Variants in RBM12 observed in about 807,000 individuals in gnomAD.
RBM12 encodes RNA binding motif protein 12.
In RBM12, 24 loss-of-function variants were observed where a neutral mutation model predicts 37.2. The ratio of observed to expected loss-of-function variants is 0.65; its 90% CI spans 0.47 to 0.91. RBM12 has a LOEUF of 0.91. RBM12 is among the 40% of genes least tolerant of loss of function. The probability of loss-of-function intolerance (pLI) is 0.00; values close to 1 mark genes in which losing one functional copy is unlikely to be tolerated. For synonymous variants in RBM12, 420 were observed against 425.2 expected, an observed-to-expected ratio of 0.99 and a Z score of 0.15; for missense variants, 1,061 against 1,183.2, an observed-to-expected ratio of 0.90 and a Z score of 1.52.
chr20:35,658,385 C>T (rs1394391541), intron 2 of RBM12, among the ~76,000 whole-genome samples: 1 of 152,096 alleles, frequency 6.6e-6, no homozygotes, highest in Non-Finnish European at 1.5e-5. Flanking sequence ...ATAAATAGAT[C>T]CATATAAATG....
In RBM12 at chr20:35,651,541, T is replaced by C. The variant is rs1476098625; in HGVS notation, c.*983A>G. 6.6e-6 allele frequency: 1 copy of C among 152,208 alleles called. No homozygotes were observed. Among genetic ancestry groups the C allele is most frequent in the Non-Finnish European group, 1.5e-5 (1 of 68,034 alleles). 9.4% of individuals were successfully genotyped at this position (152,208 alleles called of 1,614,324 possible). ...AACTTCAGTTTTAAAAACCTAGATA[T>C]AACACTTTCTTATGAATGGGCCCCT... On this transcript the variant is annotated 3_prime_UTR_variant, in exon 3 of 3. Transcript: ENST00000374114.
At chr20:35,660,151 A>C (rs2034150175) in intron 1 of RBM12, among the ~76,000 whole-genome samples, 1 of 152,238 alleles carries the variant, frequency 6.6e-6, no homozygotes, top group African/African-American at 2.4e-5. Context: ...CAACACAATC[A>C]AAAGTCTAGA....
In RBM12 at chr20:35,653,723, T is replaced by C; in HGVS notation, c.1600A>G (p.Asn534Asp). 1 of 1,614,216 alleles carries C rather than the reference T, an allele frequency of 6.2e-7. No individual in the cohort carries two copies. Among genetic ancestry groups the C allele is most frequent in the Non-Finnish European group, 8.5e-7 (1 of 1,180,046 alleles). ...GCAGAGTTGACATCCCCCTCTGGAT[T>C]TAGTATCATTTCCCTCTGGTCATAG... The part of the protein sequence containing the change: ...FSYDQREMIL[N>D]PEGDVNSAKV... Residue 534 changes from asparagine (N) to aspartate (D), a missense_variant, in exon 3 of 3, where the codon AAT becomes GAT. Transcript: ENST00000374114.
At chr20:35,661,767 AC>A (rs1348557903) in intron 1 of RBM12, among the ~76,000 whole-genome samples, 1 of 152,258 alleles carries the variant, frequency 6.6e-6, no homozygotes, top group African/African-American at 2.4e-5. Context: ...AAGTCAAGGC[AC>A]AAACTAAAAC....
In RBM12 at chr20:35,652,262, G is replaced by C; in HGVS notation, c.*262C>G. The C allele has an allele frequency of 2.9e-6, 1 of 344,774 alleles. No homozygotes were observed. The allele number at this position is 344,774 out of a possible 1,614,324, so 21.4% of individuals were successfully genotyped here. On this transcript the variant is annotated 3_prime_UTR_variant, in exon 3 of 3. Coordinates refer to ENST00000374114, the MANE Select transcript of RBM12 (RefSeq NM_006047.6). Reference sequence around the variant, plus strand: ...CTTGATAAGCTTTATGTGGTCATTTGAGTTTTACAAATGGTTTCTCTAATG... The same window carrying C: ...CTTGATAAGCTTTATGTGGTCATTTCAGTTTTACAAATGGTTTCTCTAATG...
In RBM12 at chr20:35,654,967, A is replaced by T; in HGVS notation, c.356T>A (p.Leu119Ter). Residue 119 changes from leucine to a stop codon, truncating the protein, a stop_gained, in exon 3 of 3, where the codon TTG becomes TAG. Transcript: ENST00000374114. LOFTEE classifies it high-confidence loss of function. The part of the protein sequence containing the change: ...PSSGMSSRVN[L>*]PTTVSNFNNP... ...ATTAAAGTTGGATACTGTTGTGGGC[A>T]AGTTTACCCTGCTACTCATTCCTGA... 6.2e-7 allele frequency: 1 copy of T among 1,614,148 alleles called. No homozygotes were observed. Among genetic ancestry groups the T allele is most frequent in the Non-Finnish European group, 8.5e-7 (1 of 1,180,034 alleles).
chr20:35,661,106 G>T (rs190818352), intron 1 of RBM12, among the ~76,000 whole-genome samples: 3 of 152,246 alleles, frequency 2.0e-5, no homozygotes, highest in African/African-American at 7.2e-5. Context: ...TCAGCAAAGA[G>T]GAATACCCAC....
chr20:35,653,792 G>A lies in RBM12; in HGVS notation c.1531C>T (p.Leu511=), dbSNP rs1287163070. The A allele has an allele frequency of 3.7e-6, 6 of 1,613,766 alleles. No homozygotes were observed. Among genetic ancestry groups the A allele is most frequent in the Non-Finnish European group, 4.2e-6 (5 of 1,180,012 alleles). The part of the protein sequence containing the change: ...QVHPITKKGM[L]EKIDMIRKRL... ...TTTCGAATCATATCTATCTTTTCTA[G>A]CATACCTTTCTTAGTAATTGGATGA... The change falls in exon 3 of 3, where the codon CTA becomes TTA. Residue 511 remains leucine, a synonymous_variant. Coordinates refer to ENST00000374114, the MANE Select transcript of RBM12 (RefSeq NM_006047.6).
Position 35,652,359 on chromosome 20 carries a change from AGT to A in RBM12, c.*163_*164del. The A allele has an allele frequency of 1.4e-6, 1 of 727,814 alleles. No homozygotes were observed. Among genetic ancestry groups the A allele is most frequent in the South Asian group, 1.9e-5 (1 of 51,588 alleles). The allele number at this position is 727,814 out of a possible 1,614,324, so 45.1% of individuals were successfully genotyped here. ...ACATACAGCAATGTTTATCCTGGTG[AGT>A]GAGTCTTCTGTAAACAGTCAACCAA... On this transcript the variant is annotated 3_prime_UTR_variant, in exon 3 of 3. Coordinates refer to ENST00000374114, the MANE Select transcript of RBM12 (RefSeq NM_006047.6).
chr20:35,663,239 T>C (rs2034332488), intron 1 of RBM12, among the ~76,000 whole-genome samples: 1 of 152,222 alleles, frequency 6.6e-6, no homozygotes, highest in African/African-American at 2.4e-5. Flanking sequence ...ACAACCAGTC[T>C]TGTATTGTAG....
intron 2 of RBM12, among the ~76,000 whole-genome samples, chr20:35,658,183 A>G (rs1357371613): frequency 2.0e-5 from 3 of 152,360 alleles, no homozygotes; most frequent in Admixed American, 2.0e-4. Context: ...TACTTAAACA[A>G]GAGGGTTAGA....
rs1376762691 is a variant in RBM12, at chr20:35,652,483, A to G, written c.*41T>C. Reference sequence around the variant, plus strand: ...AAAACAATCTGGATGCATTAATCACAGCAATATGAAGATCTACCCTATAAA... The same window carrying G: ...AAAACAATCTGGATGCATTAATCACGGCAATATGAAGATCTACCCTATAAA... On this transcript the variant is annotated 3_prime_UTR_variant, in exon 3 of 3. Coordinates refer to ENST00000374114, the MANE Select transcript of RBM12 (RefSeq NM_006047.6). 2.6e-6 allele frequency: 4 copies of G among 1,561,162 alleles called. No homozygotes were observed. Among genetic ancestry groups the G allele is most frequent in the South Asian group, 2.4e-5 (2 of 83,652 alleles).
Position 35,653,333 on chromosome 20 carries a change from TGGGCAGTCCCACACC to T in RBM12, c.1975_1989del (p.Gly659_Pro663del), listed in dbSNP as rs758173984. On this transcript the variant is annotated inframe_deletion, in exon 3 of 3. Transcript: ENST00000374114. ...AGGCCTGCACCGGGAAGTCCTGCAC[TGGGCAGTCCCACACC>T]GGGCAGTCCCGCATTGGGCATTCCT... The T allele has an allele frequency of 6.0e-5, 97 of 1,613,938 alleles. No homozygotes were observed. The highest frequency in any genetic ancestry group is 5.3e-4 in the East Asian group (24 of 44,894).
chr20:35,653,206 G>T lies in RBM12; in HGVS notation c.2117C>A (p.Ala706Asp), dbSNP rs530423209. The T allele has an allele frequency of 1.1e-5, 17 of 1,613,388 alleles. No homozygotes were observed. The highest frequency in any genetic ancestry group is 1.6e-4 in the Middle Eastern group (1 of 6,082). Residue 706 changes from alanine to aspartate, a missense_variant, in exon 3 of 3, where the codon GCC becomes GAC. Ala to Asp is a moderately radical substitution (Grantham distance 126). Around this residue, in one of 3 missense-constraint regions of RBM12, gnomAD observed 517 missense variants for 534.0 expected, o/e 0.97. Coordinates refer to ENST00000374114, the MANE Select transcript of RBM12 (RefSeq NM_006047.6). ...TTCCTTTGATCCTACAGTCAGGAAG[G>T]CATGCTCTTCACCTCCTGCACTAGG... ...GIPSAGGEEH[A>D]FLTVGSKEAN...
rs775195557 is a variant in RBM12, at chr20:35,654,268, G to A, written c.1055C>T (p.Ser352Phe). Residue 352 changes from serine (S) to phenylalanine (F), a missense_variant, in exon 3 of 3, where the codon TCC becomes TTC. Physicochemically the swap from Ser to Phe is radical, Grantham distance 155. Around this residue, in one of 3 missense-constraint regions of RBM12, gnomAD observed 540 missense variants for 632.7 expected, o/e 0.85. Transcript: ENST00000374114. Reference sequence around the variant, plus strand: ...CAAAGCTTCAAATGTATCTTGAGGGGAGAGAAACTTAACCAATCCATTCCC... The same window carrying A: ...CAAAGCTTCAAATGTATCTTGAGGGAAGAGAAACTTAACCAATCCATTCCC... Reference protein sequence around the residue: ...NNGNGLVKFLSPQDTFEALKR... With the variant: ...NNGNGLVKFLFPQDTFEALKR... 6.2e-7 allele frequency: 1 copy of A among 1,614,198 alleles called. No homozygotes were observed. Among genetic ancestry groups the A allele is most frequent in the Non-Finnish European group, 8.5e-7 (1 of 1,180,040 alleles).
rs746878659 is a variant in RBM12 at position 35,653,581 on chromosome 20, T to C, written c.1742A>G (p.Asn581Ser). ...ENAVHVLVDNNGQGLGQALVQ... is the reference protein window; with the variant it reads ...ENAVHVLVDNSGQGLGQALVQ... The stretch of plus-strand genomic sequence containing the variant: ...CAATGCCTGTCCTAGACCTTGCCCA[T>C]TGTTATCAACAAGAACATGTACAGC... The change falls in exon 3 of 3, where the codon AAT (asparagine) becomes AGT (serine). Residue 581 changes from asparagine to serine, a missense_variant. Transcript: ENST00000374114. The C allele has an allele frequency of 1.9e-5, 30 of 1,614,092 alleles. No homozygotes were observed. Among genetic ancestry groups the C allele is most frequent in the African/African-American group, 5.3e-5 (4 of 74,950 alleles).
intron 2 of RBM12, among the ~76,000 whole-genome samples, chr20:35,658,154 A>C (rs1184858750): frequency 6.6e-6 from 1 of 152,192 alleles, no homozygotes; most frequent in Admixed American, 6.5e-5. Context: ...ATTTCAACCT[A>C]ACTTGGGCCT....
At chr20:35,657,431 A>G (rs1171155846) in intron 2 of RBM12, among the ~76,000 whole-genome samples, 1 of 152,232 alleles carries the variant, frequency 6.6e-6, no homozygotes, top group East Asian at 1.9e-4. Context: ...GTATAGGGGA[A>G]ACATCATGGG....
At position 35,649,406 on chromosome 20, in the gene RBM12, C is replaced by T. The variant is rs2033344889; in HGVS notation, c.*3118G>A. 6.6e-6 allele frequency: 1 copy of T among 152,278 alleles called. No homozygotes were observed. The allele number at this position is 152,278 out of a possible 1,614,324, so 9.4% of individuals were successfully genotyped here. A position where few individuals can be genotyped will look rare whatever the true frequency, so the allele number is the denominator to read the frequency against. ...CTAAAAATGTAATGTTTGCTTACTT[C>T]CATACAGTCCTAGATTTTCATCCAG... On this transcript the variant is annotated 3_prime_UTR_variant, in exon 3 of 3. Coordinates refer to ENST00000374114, the MANE Select transcript of RBM12 (RefSeq NM_006047.6).
Sources: gnomAD v4.1 joint callset for allele counts (sites outside exome capture counted in the v4.1 genomes callset) on GRCh38, gnomAD v4.1.1 for gene constraint, gnomAD v4.1.1 regional missense constraint, MANE v1.5 for transcripts, NCBI Gene and HGNC (gene_info 2026-07-23, HGNC 2026-07-21) for gene names.